TFAP2D: variants seen among roughly 807,000 people sequenced by gnomAD.
TFAP2D encodes transcription factor AP-2 delta.
Under a neutral mutation model 43.6 loss-of-function variants are expected in TFAP2D, and 9 were observed. The observed-to-expected ratio is 0.21, with a 90% CI of 0.12 to 0.36. The LOEUF (loss-of-function observed/expected upper bound fraction) is 0.36, where lower values mean the gene tolerates loss of function less well. Among genes scored for constraint, TFAP2D ranks in the 10% least tolerant of loss-of-function variants. The pLI is 1.00. For synonymous variants in TFAP2D, 256 were observed against 224.9 expected (o/e 1.14, Z -1.24); for missense variants, 513 against 561.4 (o/e 0.91, Z 0.87).
chr6:50,742,994 C>CACACACACACACACAT (rs957070816), intron 5 of TFAP2D, among the ~76,000 whole-genome samples: 13 of 147,550 alleles, frequency 8.8e-5, no homozygotes, highest in Non-Finnish European at 1.5e-4. Context: ...CACACACACA[C>CACACACACACACACAT]ATCTTTGTGC....
intron 5 of TFAP2D, among the ~76,000 whole-genome samples, chr6:50,735,609 C>A (rs1175590965): frequency 6.6e-6 from 1 of 152,044 alleles, no homozygotes; most frequent in Non-Finnish European, 1.5e-5. Context: ...TTAAAGGATG[C>A]CAGTTCATTA....
At chr6:50,759,915 A>G (rs1015948940) in intron 7 of TFAP2D, among the ~76,000 whole-genome samples, 1 of 152,038 alleles carries the variant, frequency 6.6e-6, no homozygotes, top group Admixed American at 6.6e-5. Flanking sequence ...CCAATCTGAC[A>G]GAGATTCAGG....
At chr6:50,766,220 A>C (rs571747634) in intron 7 of TFAP2D, among the ~76,000 whole-genome samples, 1 of 152,150 alleles carries the variant, frequency 6.6e-6, no homozygotes, top group African/African-American at 2.4e-5. Context: ...CCATTGGTCT[A>C]TGTGTCTGTT....
At chr6:50,714,759 A>T (rs972836601) in intron 1 of TFAP2D, among the ~76,000 whole-genome samples, 3 of 151,928 alleles carry the variant, frequency 2.0e-5, no homozygotes, top group Non-Finnish European at 4.4e-5. Flanking sequence ...TCAGTTGCAA[A>T]CCTGGATCCC....
rs373648238 is a variant in TFAP2D at position 50,715,379 on chromosome 6, C to T, written c.303C>T (p.Tyr101=). 1.8e-5 allele frequency: 29 copies of T among 1,614,060 alleles called. No individual in the cohort carries two copies. The highest frequency in any genetic ancestry group is 2.4e-5 in the Non-Finnish European group (28 of 1,180,042). The change falls in exon 2 of 8, where the codon TAC becomes TAT. Residue 101 remains tyrosine, a synonymous_variant. Transcript: ENST00000008391. ...ACTCTCTCCACCACTCGCAACAGTACTACCAGCAGATCCACCACGGGGAGC... is the reference window on the plus strand; with the variant it reads ...ACTCTCTCCACCACTCGCAACAGTATTACCAGCAGATCCACCACGGGGAGC... ...SLNSLHHSQQ[Y]YQQIHHGEPT...
intron 2 of TFAP2D, 28 bp from the exon 3 acceptor site, chr6:50,719,062 T>G: frequency 6.2e-7 from 1 of 1,610,732 alleles, no homozygotes; most frequent in Admixed American, 1.7e-5. Context: ...TCCATTTAAG[T>G]AATTTTATTT....
intron 7 of TFAP2D, 69 bp from the exon 8 acceptor site, chr6:50,772,574 GGA>G (rs1769544478): frequency 7.6e-7 from 1 of 1,313,630 alleles, no homozygotes; most frequent in African/African-American, 1.5e-5. Flanking sequence ...TGAATTATAT[GGA>G]GAGATTTGCT....
At chr6:50,740,116 T>C (rs1769019783) in intron 5 of TFAP2D, among the ~76,000 whole-genome samples, 1 of 152,186 alleles carries the variant, frequency 6.6e-6, no homozygotes, top group African/African-American at 2.4e-5. Flanking sequence ...TAATAGATAG[T>C]TCTTGGAATA....
chr6:50,733,134 A>G (rs1460801890), intron 5 of TFAP2D, among the ~76,000 whole-genome samples: 3 of 152,100 alleles, frequency 2.0e-5, no homozygotes, highest in Admixed American at 2.0e-4. Context: ...TTGAAAAGTG[A>G]ACATTTTAGT....
At chr6:50,732,284 A>G (rs1768905560) in intron 5 of TFAP2D, among the ~76,000 whole-genome samples, 3 of 152,058 alleles carry the variant, frequency 2.0e-5, no homozygotes, top group African/African-American at 4.8e-5. Context: ...TGGATTTTCT[A>G]TATTAACTTA....
intron 7 of TFAP2D, among the ~76,000 whole-genome samples, chr6:50,755,065 T>G (rs574466333): frequency 2.0e-5 from 3 of 152,188 alleles, no homozygotes; most frequent in Admixed American, 6.6e-5. Context: ...CCTGTATTTT[T>G]TCTTCTAACA....
chr6:50,733,736 C>G (rs1312538767), intron 5 of TFAP2D, among the ~76,000 whole-genome samples: 1 of 152,068 alleles, frequency 6.6e-6, no homozygotes, highest in Non-Finnish European at 1.5e-5. Flanking sequence ...CTGCATATCA[C>G]TCCCTTCTTA....
intron 3 of TFAP2D, among the ~76,000 whole-genome samples, chr6:50,721,193 T>A (rs140141276): frequency 3.3e-5 from 5 of 152,348 alleles, no homozygotes; most frequent in Admixed American, 2.0e-4. Flanking sequence ...CTAAAAATCA[T>A]CGTCGAATCT....
intron 5 of TFAP2D, among the ~76,000 whole-genome samples, chr6:50,734,704 A>G (rs1768939522): frequency 6.6e-6 from 1 of 152,118 alleles, no homozygotes; most frequent in Middle Eastern, 3.2e-3. Flanking sequence ...ACGTGACCAC[A>G]CCTTATTGTG....
chr6:50,718,440 A>C (rs745526822), intron 2 of TFAP2D, among the ~76,000 whole-genome samples: 1 of 152,246 alleles, frequency 6.6e-6, no homozygotes, highest in Non-Finnish European at 1.5e-5. Context: ...GGGAAAAAAG[A>C]AAACGACAGA....
chr6:50,750,817 G>A (rs1037554897), intron 6 of TFAP2D, among the ~76,000 whole-genome samples: 7 of 152,036 alleles, frequency 4.6e-5, no homozygotes, highest in African/African-American at 1.4e-4. Flanking sequence ...TGGCTCTGAA[G>A]TAAGACTGTA....
intron 3 of TFAP2D, among the ~76,000 whole-genome samples, chr6:50,720,302 T>C (rs1360003460): frequency 6.6e-6 from 1 of 152,206 alleles, no homozygotes; most frequent in African/African-American, 2.4e-5. Context: ...AGTTGCTTCT[T>C]TCATGTTTAA....
intron 6 of TFAP2D, among the ~76,000 whole-genome samples, chr6:50,750,356 C>A (rs1054101341): frequency 3.9e-5 from 6 of 151,920 alleles, no homozygotes; most frequent in African/African-American, 1.4e-4. Context: ...ATGGAGTCAC[C>A]TCACTTTAGA....
chr6:50,728,769 C>T, intron 3 of TFAP2D, 87 bp from the exon 4 acceptor site: 1 of 1,369,864 alleles, frequency 7.3e-7, no homozygotes, highest in South Asian at 1.3e-5. Context: ...TTCCCAAATC[C>T]AGAATAGTCT....
Sources: gnomAD v4.1 joint callset for allele counts (sites outside exome capture counted in the v4.1 genomes callset) on GRCh38, gnomAD v4.1.1 for gene constraint, MANE v1.5 for transcripts, NCBI Gene and HGNC (gene_info 2026-07-23, HGNC 2026-07-21) for gene names.